The following SERPINB10 variants were observed in gnomAD, a reference collection of about 807,000 sequenced individuals.
SERPINB10 encodes serpin family B member 10.
Under a neutral mutation model 39.1 loss-of-function variants are expected in SERPINB10, and 35 were observed. The observed-to-expected ratio is 0.90, with a 90% CI of 0.68 to 1.19. The LOEUF (loss-of-function observed/expected upper bound fraction) is 1.19. Ranked by LOEUF, SERPINB10 falls within the 50% of genes most tolerant of loss-of-function variation. The pLI is 0.00. For synonymous variants in SERPINB10, 190 were observed against 158.1 expected, an observed-to-expected ratio of 1.20 and a Z score of -1.52; for missense variants, 546 against 460.5, an observed-to-expected ratio of 1.19 and a Z score of -1.70.
chr18:63,919,236 ATTTT>A (rs397969917), intron 4 of SERPINB10, among the ~76,000 whole-genome samples: 1 of 142,864 alleles, frequency 7.0e-6, no homozygotes, highest in East Asian at 2.0e-4. Flanking sequence ...TGAAGGCCTC[ATTTT>A]TTTTTTTTTT....
chr18:63,932,087 TTTGTTTTA>T (rs1358446448), intron 6 of SERPINB10, among the ~76,000 whole-genome samples: 1 of 152,238 alleles, frequency 6.6e-6, no homozygotes, highest in Non-Finnish European at 1.5e-5. Flanking sequence ...CATAGATCTT[TTTGTTTTA>T]TTGCTGAATA....
At chr18:63,910,440 A>G (rs1268181343) in intron 1 of SERPINB10, among the ~76,000 whole-genome samples, 1 of 151,844 alleles carries the variant, frequency 6.6e-6, no homozygotes, top group Non-Finnish European at 1.5e-5. Context: ...TTAGTTTTTC[A>G]ATCTTTTCTC....
chr18:63,928,317 A>G (rs1241238837), intron 5 of SERPINB10, among the ~76,000 whole-genome samples: 1 of 152,094 alleles, frequency 6.6e-6, no homozygotes, highest in Non-Finnish European at 1.5e-5. Context: ...ATGTGCCTCT[A>G]GAGCAAACCT....
At chr18:63,919,345 G>C (rs2050129234) in intron 4 of SERPINB10, among the ~76,000 whole-genome samples, 1 of 150,614 alleles carries the variant, frequency 6.6e-6, no homozygotes, top group Non-Finnish European at 1.5e-5. Context: ...CAAGATTCTT[G>C]TTGTTTAGAA....
intron 4 of SERPINB10, 30 bp from the exon 5 acceptor site, chr18:63,919,758 C>T: frequency 6.9e-7 from 1 of 1,458,558 alleles, no homozygotes; most frequent in Non-Finnish European, 9.4e-7. Context: ...ACAAACTCTA[C>T]AAAAGGGGAT....
intron 5 of SERPINB10, among the ~76,000 whole-genome samples, chr18:63,925,391 G>A (rs1214527368): frequency 2.6e-5 from 4 of 151,948 alleles, no homozygotes; most frequent in Non-Finnish European, 4.4e-5. Flanking sequence ...AAAAAAGAAA[G>A]CAGAGCTCCT....
chr18:63,918,042 T>C lies in SERPINB10; in HGVS notation c.312T>C (p.Asp104=), dbSNP rs2050117373. 4 of 1,612,460 alleles carry C rather than the reference T, an allele frequency of 2.5e-6. No homozygotes were observed. Among genetic ancestry groups the C allele is most frequent in the Non-Finnish European group, 2.5e-6 (3 of 1,179,036 alleles). ...TCTCAGAAATCCTCAAGCCCAACGA[T>C]GACTACTTACTTAAAACAGCCAATG... is the stretch of plus-strand genomic sequence containing the variant. ...TLISEILKPN[D]DYLLKTANAI... The change falls in exon 4 of 8, where the codon GAT becomes GAC. Residue 104 remains aspartate (D), a synonymous_variant. Transcript: ENST00000238508.
At chr18:63,934,217 C>T (rs28665012) in intron 7 of SERPINB10, among the ~76,000 whole-genome samples, 62,601 of 151,814 alleles carry the variant, frequency 0.41, 15,770 homozygotes, top group African/African-American at 0.71. Context: ...TTTGTGTATA[C>T]ATATATACAT....
chr18:63,912,573 A>G (rs1189128191), intron 1 of SERPINB10, among the ~76,000 whole-genome samples: 2 of 151,748 alleles, frequency 1.3e-5, no homozygotes, highest in African/African-American at 4.8e-5. Context: ...TGTGTGGTAA[A>G]TCACATTTAC....
At chr18:63,916,059 A>C (rs985840783) in intron 2 of SERPINB10, among the ~76,000 whole-genome samples, 1 of 152,054 alleles carries the variant, frequency 6.6e-6, no homozygotes, top group Non-Finnish European at 1.5e-5. Context: ...TCTTGAAGAC[A>C]CAAAAAAGAA....
intron 2 of SERPINB10, among the ~76,000 whole-genome samples, chr18:63,916,274 A>G (rs2050101870): frequency 6.6e-6 from 1 of 151,718 alleles, no homozygotes; most frequent in Admixed American, 6.6e-5. Context: ...CAAAATAGCC[A>G]TATGTGTGTG....
At chr18:63,916,950 C>T (rs760263445) in intron 2 of SERPINB10, among the ~76,000 whole-genome samples, 2 of 152,014 alleles carry the variant, frequency 1.3e-5, no homozygotes, top group Non-Finnish European at 2.9e-5. Flanking sequence ...CTACATCTTT[C>T]CTGTTAACTT....
intron 1 of SERPINB10, among the ~76,000 whole-genome samples, chr18:63,912,304 G>A (rs1353783256): frequency 2.0e-5 from 3 of 151,856 alleles, no homozygotes; most frequent in Non-Finnish European, 2.9e-5. Flanking sequence ...CTCTGGCCAG[G>A]ACTTCTAGTA....
At chr18:63,919,060 C>T (rs1267650018) in intron 4 of SERPINB10, among the ~76,000 whole-genome samples, 1 of 151,986 alleles carries the variant, frequency 6.6e-6, no homozygotes, top group African/African-American at 2.4e-5. Flanking sequence ...TAACTCATCA[C>T]TTTTTCTCCT....
Position 63,931,090 on chromosome 18 carries a change from G to T in SERPINB10, c.633+903G>T, listed in dbSNP as rs183965048. ...TTTATATATTCACTGGAAATTTTCA[G>T]TTGCAAGTGATAGAAAAGTATTCCA... On this transcript the variant is annotated intron_variant, in intron 6 of 7. Transcript: ENST00000238508. 2.0e-3 allele frequency among the ~76,000 whole-genome samples: 301 copies of T among 152,262 alleles called. 1 individual carries two copies. The highest frequency in any genetic ancestry group is 2.8e-3 in the Non-Finnish European group (191 of 68,012).
intron 5 of SERPINB10, among the ~76,000 whole-genome samples, chr18:63,925,784 A>T (rs1159846219): frequency 6.6e-6 from 1 of 152,006 alleles, no homozygotes; most frequent in Non-Finnish European, 1.5e-5. Context: ...TTAGATAGGA[A>T]TTATAAATGG....
chr18:63,919,235 C>T (rs2144726143), intron 4 of SERPINB10, among the ~76,000 whole-genome samples: 1 of 98,800 alleles, frequency 1.0e-5, no homozygotes, highest in African/African-American at 5.9e-5. Flanking sequence ...GTGAAGGCCT[C>T]ATTTTTTTTT....
chr18:63,909,000 T>G (rs1239098219), intron 1 of SERPINB10, among the ~76,000 whole-genome samples: 1 of 152,080 alleles, frequency 6.6e-6, no homozygotes, highest in Non-Finnish European at 1.5e-5. Context: ...CTTTGCTCAA[T>G]CAACCTCTCT....
chr18:63,932,784 G>A (rs1429841887), intron 6 of SERPINB10, among the ~76,000 whole-genome samples: 2 of 152,190 alleles, frequency 1.3e-5, no homozygotes, highest in Admixed American at 1.3e-4. Context: ...TATATTAAGA[G>A]TTTGATTTAA....
Sources: gnomAD v4.1 joint callset for allele counts (sites outside exome capture counted in the v4.1 genomes callset) on GRCh38, gnomAD v4.1.1 for gene constraint, MANE v1.5 for transcripts, NCBI Gene and HGNC (gene_info 2026-07-23, HGNC 2026-07-21) for gene names.